Variants in WDR33 observed in about 807,000 individuals in gnomAD.
The protein encoded by WDR33 is pre-mRNA 3' end processing protein WDR33.
WDR33 carries 47 observed loss-of-function variants against 164.9 expected under a neutral mutation model. That is an observed-to-expected ratio of 0.29 (90% CI 0.23 to 0.36). The LOEUF (loss-of-function observed/expected upper bound fraction) is 0.36. Ranked by LOEUF, WDR33 falls within the 10% of genes least tolerant of loss-of-function variation. WDR33 has a pLI of 1.00. For synonymous variants in WDR33, 505 were observed against 589.0 expected, an observed-to-expected ratio of 0.86 and a Z score of 2.06; for missense variants, 1,137 against 1,754.1, an observed-to-expected ratio of 0.65 and a Z score of 6.28.
chr2:127,736,411 A>C, intron 7 of WDR33: 1 of 985,370 alleles, frequency 1.0e-6, no homozygotes, highest in Non-Finnish European at 1.2e-6. Context: ...ACTGAGTGGT[A>C]GCACAGAAGT....
chr2:127,784,515 G>C lies in WDR33; in HGVS notation c.-23-13511C>G, dbSNP rs142384707. Among the ~76,000 whole-genome samples the C allele has an allele frequency of 7.4e-3, 1,128 of 152,078 alleles. 18 individuals carry two copies. The highest frequency in any genetic ancestry group is 0.026 in the African/African-American group (1,070 of 41,456). On this transcript the variant is annotated intron_variant, in intron 1 of 21. Coordinates refer to ENST00000322313, the MANE Select transcript of WDR33 (RefSeq NM_018383.5). ...CTTCCACCTCAGCCTCCAGAGTAGC[G>C]GGGACTACAGGTACGTGACACCTCA...
chr2:127,771,894 A>T (rs777714943), intron 1 of WDR33, among the ~76,000 whole-genome samples: 1 of 152,192 alleles, frequency 6.6e-6, no homozygotes, highest in Non-Finnish European at 1.5e-5. Context: ...AGCACAATTC[A>T]TAACAGCTTG....
chr2:127,713,682 G>A lies in WDR33; in HGVS notation c.3209C>T (p.Ala1070Val). ...TTCCCATGCCCCCGGAGGGCCTCGG[G>A]CTGCACCCCGGCCATCCCCCTCGCT... ...EFSEGDGRGA[A>V]RGPPGAWEGR... The change falls in exon 18 of 22, where the codon GCC becomes GTC. Residue 1070 changes from alanine to valine, a missense_variant. Physicochemically the swap from Ala to Val is moderately conservative, Grantham distance 64. This residue lies in a region of WDR33 where 867 missense variants were observed against 1,073.0 expected (regional missense o/e 0.81). Coordinates refer to ENST00000322313, the MANE Select transcript of WDR33 (RefSeq NM_018383.5). The surrounding 1 kb of genome is among the most constrained non-coding windows in gnomAD (Gnocchi z 6.2). 1 of 1,614,222 alleles carries A rather than the reference G, an allele frequency of 6.2e-7. No homozygotes were observed. The highest frequency in any genetic ancestry group is 8.5e-7 in the Non-Finnish European group (1 of 1,180,026).
chr2:127,758,603 T>C (rs567069449), intron 7 of WDR33, among the ~76,000 whole-genome samples: 7 of 152,308 alleles, frequency 4.6e-5, no homozygotes, highest in Non-Finnish European at 1.0e-4. Context: ...ACGCTGAAAC[T>C]TGTTAACTGA....
chr2:127,709,983 A>C lies in WDR33; in HGVS notation c.3309-127T>G. Reference sequence around the variant, plus strand: ...TTAATTGGGAGGAAAACAAAATAAAACTATATATTTTTGAAAGGATACATT... The same window carrying C: ...TTAATTGGGAGGAAAACAAAATAAACCTATATATTTTTGAAAGGATACATT... On this transcript the variant is annotated intron_variant, in intron 18 of 21. Transcript: ENST00000322313. The surrounding 1 kb of genome is among the most constrained non-coding windows in gnomAD (Gnocchi z 5.0). 2 of 1,244,048 alleles carry C rather than the reference A, an allele frequency of 1.6e-6. No individual in the cohort carries two copies. Among genetic ancestry groups the C allele is most frequent in the Non-Finnish European group, 2.2e-6 (2 of 900,852 alleles). 77.1% of individuals were successfully genotyped at this position (1,244,048 alleles called of 1,614,324 possible).
chr2:127,750,709 T>TATATGTATGTATGCATAC (rs1434602617), intron 7 of WDR33, among the ~76,000 whole-genome samples: 1 of 55,848 alleles, frequency 1.8e-5, no homozygotes, highest in Non-Finnish European at 3.1e-5. Flanking sequence ...TATATATATA[T>TATATGTATGTATGCATAC]ATATGTATGT....
Position 127,723,631 on chromosome 2 carries a change from C to T in WDR33, c.1197-284G>A, listed in dbSNP as rs1374669618. Among the ~76,000 whole-genome samples the T allele has an allele frequency of 6.6e-6, 1 of 151,072 alleles. No homozygotes were observed. The highest frequency in any genetic ancestry group is 2.4e-5 in the African/African-American group (1 of 41,048). Reference sequence around the variant, plus strand: ...AAAAAGTTAGCTGGGTGTGGTGGCACACACCTGTAGTCTCAGCTACTCACG... The same window carrying T: ...AAAAAGTTAGCTGGGTGTGGTGGCATACACCTGTAGTCTCAGCTACTCACG... On this transcript the variant is annotated intron_variant, in intron 11 of 21. Transcript: ENST00000322313. The surrounding 1 kb of genome is among the most constrained non-coding windows in gnomAD (Gnocchi z 5.9).
intron 7 of WDR33, among the ~76,000 whole-genome samples, chr2:127,753,958 C>T (rs1687444918): frequency 6.6e-6 from 1 of 152,134 alleles, no homozygotes; most frequent in Non-Finnish European, 1.5e-5. Context: ...ATGAAGAAAT[C>T]TTTGACTCCT....
rs184089079 is a variant in WDR33, at chr2:127,733,261, T to C, written c.725-6484A>G. On this transcript the variant is annotated intron_variant, in intron 7 of 21. Coordinates refer to ENST00000322313, the MANE Select transcript of WDR33 (RefSeq NM_018383.5). ...CAAATCTGCTCCAGACACTACAAAG[T>C]CCACTACAGGCACAAAGTGTGGCCC... is the stretch of plus-strand genomic sequence containing the variant. 2.1e-3 allele frequency among the ~76,000 whole-genome samples: 326 copies of C among 152,166 alleles called. 2 individuals are homozygous for C. The highest frequency in any genetic ancestry group is 0.012 in the Admixed American group (188 of 15,290).
At position 127,770,561 on chromosome 2, in the gene WDR33, G is replaced by A. The variant is rs1215231510; in HGVS notation, c.204+217C>T. ...CAAAAATTAGCCGGGCATGGTAGCA[G>A]GTGCCTATAATCCCAGCTACTTGGG... On this transcript the variant is annotated intron_variant, in intron 2 of 21. Coordinates refer to ENST00000322313, the MANE Select transcript of WDR33 (RefSeq NM_018383.5). The surrounding 1 kb of genome is among the most constrained non-coding windows in gnomAD (Gnocchi z 4.9). Among the ~76,000 whole-genome samples the A allele has an allele frequency of 1.3e-5, 2 of 151,930 alleles. No individual in the cohort carries two copies. Among genetic ancestry groups the A allele is most frequent in the African/African-American group, 4.8e-5 (2 of 41,362 alleles).
intron 7 of WDR33, among the ~76,000 whole-genome samples, chr2:127,754,347 T>C (rs938350771): frequency 1.3e-5 from 2 of 152,068 alleles, no homozygotes; most frequent in African/African-American, 4.8e-5. Context: ...CCCTGACAGG[T>C]AGGTGGCAAG....
chr2:127,728,219 T>G (rs1686616815), intron 7 of WDR33, among the ~76,000 whole-genome samples: 1 of 152,236 alleles, frequency 6.6e-6, no homozygotes, highest in South Asian at 2.1e-4. Context: ...TAAATTGCAG[T>G]GTGGCATATG....
Position 127,701,576 on chromosome 2 carries a change from A to G in WDR33, c.*4747T>C. 7.4e-7 allele frequency: 1 copy of G among 1,346,992 alleles called. No individual in the cohort carries two copies. The highest frequency in any genetic ancestry group is 3.5e-5 in the Admixed American group (1 of 28,734). 83.4% of individuals were successfully genotyped at this position (1,346,992 alleles called of 1,614,324 possible). ...TGCAGGAGTACCTGGCGCAGGGGAA[A>G]GCTGGCGGCCCGGCGGCCGCGGAGC... is the stretch of plus-strand genomic sequence containing the variant. On this transcript the variant is annotated 3_prime_UTR_variant, in exon 22 of 22. Transcript: ENST00000322313.
At chr2:127,727,223 A>G (rs1371742391) in intron 7 of WDR33, among the ~76,000 whole-genome samples, 9 of 152,202 alleles carry the variant, frequency 5.9e-5, no homozygotes, top group Admixed American at 1.3e-4. Flanking sequence ...ACCACCATTT[A>G]GGAATTTAGG....
rs957083737 is a variant in WDR33, at chr2:127,784,639, C to T, written c.-23-13635G>A. On this transcript the variant is annotated intron_variant, in intron 1 of 21. Coordinates refer to ENST00000322313, the MANE Select transcript of WDR33 (RefSeq NM_018383.5). ...CAATCTATCTACTCACCTTGACCTC[C>T]CAAAGTACAGAGACTACACGTGTGA... Among the ~76,000 whole-genome samples, 8 of 152,040 alleles carry T rather than the reference C, an allele frequency of 5.3e-5. No individual in the cohort carries two copies. The East Asian group carries it at 1.4e-3, about 26-fold the overall frequency.
chr2:127,748,275 T>A (rs1687223079), intron 7 of WDR33, among the ~76,000 whole-genome samples: 1 of 152,210 alleles, frequency 6.6e-6, no homozygotes, highest in Admixed American at 6.5e-5. Context: ...TTCCCTGCGG[T>A]CTGTGTTCTT....
Position 127,769,104 on chromosome 2 carries a change from T to TA in WDR33, c.205-104dup, listed in dbSNP as rs545317086. Reference sequence around the variant, plus strand: ...GAAATTAACAAAATGTAAGCTATATTAAAAATGGATAAACAGAATTAAAAA... The same window carrying TA: ...GAAATTAACAAAATGTAAGCTATATTAAAAAATGGATAAACAGAATTAAAAA... On this transcript the variant is annotated intron_variant, in intron 2 of 21. Coordinates refer to ENST00000322313, the MANE Select transcript of WDR33 (RefSeq NM_018383.5). The TA allele has an allele frequency of 2.3e-3, 1,386 of 599,920 alleles. 14 individuals carry two copies. The African/African-American group carries it at 0.025, about 11-fold the overall frequency. 37.2% of individuals were successfully genotyped at this position (599,920 alleles called of 1,614,324 possible).
chr2:127,772,937 A>T (rs1292015893), intron 1 of WDR33, among the ~76,000 whole-genome samples: 1 of 149,576 alleles, frequency 6.7e-6, no homozygotes, highest in Non-Finnish European at 1.5e-5. Context: ...CAGCCTGTGC[A>T]CATAGTGAGA....
Position 127,701,532 on chromosome 2 carries a change from G to C in WDR33, c.*4791C>G. On this transcript the variant is annotated 3_prime_UTR_variant, in exon 22 of 22. Transcript: ENST00000322313. ...TTCTGCCACCGCCTTGTCCAAGATG[G>C]CGGACCTCCACCGCCAGCTGCAGGA... The C allele has an allele frequency of 1.5e-6, 2 of 1,332,086 alleles. No individual in the cohort carries two copies. Among genetic ancestry groups the C allele is most frequent in the East Asian group, 3.0e-5 (1 of 33,448 alleles). 82.5% of individuals were successfully genotyped at this position (1,332,086 alleles called of 1,614,324 possible).
Sources: gnomAD v4.1 joint callset for allele counts (sites outside exome capture counted in the v4.1 genomes callset) on GRCh38, gnomAD v4.1.1 for gene constraint, gnomAD v4.1.1 regional missense constraint, Gnocchi (gnomAD v3.1) non-coding constraint, MANE v1.5 for transcripts, NCBI Gene and HGNC (gene_info 2026-07-23, HGNC 2026-07-21) for gene names.